RBBP8: variants seen among roughly 807,000 people sequenced by gnomAD.
The protein encoded by RBBP8 is DNA endonuclease RBBP8.
A neutral mutation model predicts 108.3 loss-of-function variants in RBBP8; 88 were observed. The observed-to-expected ratio is 0.81, with a 90% CI of 0.68 to 0.97. The LOEUF (loss-of-function observed/expected upper bound fraction) is 0.97. RBBP8 is among the 50% of genes least tolerant of loss of function. RBBP8 has a pLI of 0.00. For synonymous variants in RBBP8, 332 were observed against 348.2 expected, an observed-to-expected ratio of 0.95 and a Z score of 0.52; for missense variants, 1,023 against 1,049.0, an observed-to-expected ratio of 0.98 and a Z score of 0.34.
At chr18:22,945,748 G>T (rs1297420481) in intron 2 of RBBP8, among the ~76,000 whole-genome samples, 1 of 151,980 alleles carries the variant, frequency 6.6e-6, no homozygotes, top group African/African-American at 2.4e-5. Flanking sequence ...TAGTTGTTTT[G>T]GTTTGACTTA....
At position 22,949,595 on chromosome 18, in the gene RBBP8, CTTAT is replaced by C. The variant is rs760593899; in HGVS notation, c.153-16_153-13del. ...GTTAAGAGTATTTTTATCTGAAAAA[CTTAT>C]TTATTTTTTGACCTTTAGAGATGCA... On this transcript the variant is annotated intron_variant, in intron 3 of 18. Coordinates refer to ENST00000327155, the MANE Select transcript of RBBP8 (RefSeq NM_002894.3). 2.2e-5 allele frequency: 33 copies of C among 1,529,814 alleles called. No individual in the cohort carries two copies. In the African/African-American group the frequency reaches 3.8e-4, roughly 18 times the overall value. The allele number at this position is 1,529,814 out of a possible 1,614,324, so 94.8% of individuals were successfully genotyped here.
At chr18:22,958,390 A>G (rs1025899987) in intron 4 of RBBP8, among the ~76,000 whole-genome samples, 1 of 152,216 alleles carries the variant, frequency 6.6e-6, no homozygotes, top group Non-Finnish European at 1.5e-5. Flanking sequence ...CAGTTGTTCA[A>G]ATCAGCTCAT....
At chr18:23,011,188 A>T (rs895931597) in intron 16 of RBBP8, among the ~76,000 whole-genome samples, 13 of 152,146 alleles carry the variant, frequency 8.5e-5, no homozygotes, top group African/African-American at 3.1e-4. Context: ...CATGTATGTG[A>T]TCTTTTTATT....
At chr18:22,946,853 A>G (rs899459686) in intron 3 of RBBP8, among the ~76,000 whole-genome samples, 1 of 152,160 alleles carries the variant, frequency 6.6e-6, no homozygotes, top group Non-Finnish European at 1.5e-5. Context: ...GGAATTCAAC[A>G]TGCTACAAGA....
chr18:23,008,063 C>T (rs771891253), intron 16 of RBBP8, among the ~76,000 whole-genome samples: 4 of 152,188 alleles, frequency 2.6e-5, no homozygotes, highest in Non-Finnish European at 4.4e-5. Context: ...CCACCCGCCT[C>T]GGCCTCCCAA....
chr18:22,995,806 C>T (rs2045846598), intron 12 of RBBP8, among the ~76,000 whole-genome samples: 1 of 152,120 alleles, frequency 6.6e-6, no homozygotes, highest in South Asian at 2.1e-4. Context: ...AGCTGACATT[C>T]AAGTTGTCAC....
chr18:23,011,066 A>C (rs921554056), intron 16 of RBBP8, among the ~76,000 whole-genome samples: 1 of 152,232 alleles, frequency 6.6e-6, no homozygotes, highest in African/African-American at 2.4e-5. Context: ...CCCTTTTCTA[A>C]TTCACAGATC....
intron 8 of RBBP8, 72 bp downstream of exon 8, chr18:22,985,062 C>CT (rs1915226162): frequency 1.9e-6 from 3 of 1,579,826 alleles, no homozygotes; most frequent in Admixed American, 3.5e-5. Flanking sequence ...GACCCACAGT[C>CT]TAACTTAGAC....
chr18:22,983,380 C>T (rs1915084138), intron 7 of RBBP8, among the ~76,000 whole-genome samples: 1 of 152,152 alleles, frequency 6.6e-6, no homozygotes. Context: ...TTTTCCCCCA[C>T]TTTATAAGCG....
intron 3 of RBBP8, among the ~76,000 whole-genome samples, chr18:22,928,137 G>C (rs1180626391): frequency 6.6e-6 from 1 of 151,082 alleles, no homozygotes; most frequent in Admixed American, 6.6e-5. Flanking sequence ...GAGGGTGAAG[G>C]CTATCATAAG....
rs368600707 is a variant in RBBP8 at position 23,012,207 on chromosome 18, C to CAAAAAAAAAAAAAAAAAA, written c.2358-4621_2358-4620insAAAAAAAAAAAAAAAAAA. Among the ~76,000 whole-genome samples the CAAAAAAAAAAAAAAAAAA allele has an allele frequency of 4.9e-5, 4 of 81,144 alleles. 2 individuals are homozygous for CAAAAAAAAAAAAAAAAAA. Among genetic ancestry groups the CAAAAAAAAAAAAAAAAAA allele is most frequent in the African/African-American group, 1.9e-4 (4 of 21,366 alleles). 53.2% of individuals were successfully genotyped at this position (81,144 alleles called of 152,430 possible). ...TGGGAGACAAAGTGAGATGCTGTCT[C>CAAAAAAAAAAAAAAAAAA]CAAAAAAAAAAAAAAAAAAAAAAAC... On this transcript the variant is annotated intron_variant, in intron 16 of 18. Coordinates refer to ENST00000327155, the MANE Select transcript of RBBP8 (RefSeq NM_002894.3).
intron 7 of RBBP8, among the ~76,000 whole-genome samples, chr18:22,983,353 T>C (rs1915081701): frequency 6.6e-6 from 1 of 152,226 alleles, no homozygotes; most frequent in South Asian, 2.1e-4. Context: ...TATTCTTAGA[T>C]GTTGGAACAT....
At chr18:22,950,751 C>T (rs1345132253) in intron 4 of RBBP8, among the ~76,000 whole-genome samples, 1 of 152,110 alleles carries the variant, frequency 6.6e-6, no homozygotes, top group East Asian at 1.9e-4. Flanking sequence ...AAGAACTCAT[C>T]TCTACAAAAA....
intron 16 of RBBP8, among the ~76,000 whole-genome samples, chr18:23,014,857 ATTTTTC>A (rs137963657): frequency 0.049 from 7,400 of 151,604 alleles, 343 homozygotes; most frequent in African/African-American, 0.12. Flanking sequence ...GCATAAGGTA[ATTTTTC>A]TTTTTCTTTT....
chr18:22,918,627 T>C (rs1909460145), intron 3 of RBBP8, among the ~76,000 whole-genome samples: 1 of 152,218 alleles, frequency 6.6e-6, no homozygotes, highest in Non-Finnish European at 1.5e-5. Flanking sequence ...CCAACAGCTT[T>C]TTTTTGTCTA....
At chr18:23,016,661 C>T in intron 16 of RBBP8, 167 bp from the exon 17 acceptor site, 1 of 622,920 alleles carries the variant, frequency 1.6e-6, no homozygotes, top group Non-Finnish European at 2.8e-6. Context: ...AAAAAATACC[C>T]ATAAAAATAC....
chr18:23,006,081 G>T lies in RBBP8; in HGVS notation c.2288-282G>T, dbSNP rs545778461. Among the ~76,000 whole-genome samples the T allele has an allele frequency of 4.6e-5, 7 of 152,092 alleles. No homozygotes were observed. In the South Asian group the frequency reaches 1.5e-3, roughly 32 times the overall value. On this transcript the variant is annotated intron_variant, in intron 15 of 18. Coordinates refer to ENST00000327155, the MANE Select transcript of RBBP8 (RefSeq NM_002894.3). ...GGCGCCTGTAGTCCCAACTACTCAG[G>T]AGGCTGAGGCAAGAGGATGGCGTGA...
intron 4 of RBBP8, among the ~76,000 whole-genome samples, chr18:22,956,513 T>G (rs892957862): frequency 1.3e-5 from 2 of 152,164 alleles, no homozygotes; most frequent in Non-Finnish European, 2.9e-5. Flanking sequence ...AATTTTTTTG[T>G]TTTTATAGAG....
intron 4 of RBBP8, among the ~76,000 whole-genome samples, chr18:22,953,659 G>A (rs1019486098): frequency 2.6e-5 from 4 of 151,648 alleles, no homozygotes; most frequent in African/African-American, 7.3e-5. Context: ...TCTCCAGGCC[G>A]TTTCAGAGAA....
Sources: allele counts gnomAD v4.1 joint callset (sites outside exome capture counted in the v4.1 genomes callset), GRCh38; gene constraint gnomAD v4.1.1; transcripts MANE v1.5; gene names NCBI Gene and HGNC (gene_info 2026-07-23, HGNC 2026-07-21).